KCNQ1: variants seen among roughly 807,000 people sequenced by gnomAD.
The protein encoded by KCNQ1 is potassium voltage-gated channel subfamily KQT member 1.
KCNQ1 carries 49 observed loss-of-function variants against 72.4 expected under a neutral mutation model. That is an observed-to-expected ratio of 0.68 (90% CI 0.54 to 0.86). The LOEUF (loss-of-function observed/expected upper bound fraction) is 0.86, where lower values mean the gene tolerates loss of function less well. Among genes scored for constraint, KCNQ1 ranks in the 40% least tolerant of loss-of-function variants. KCNQ1 has a pLI of 0.00. For synonymous variants in KCNQ1, 450 were observed against 412.6 expected (o/e 1.09, Z -1.10); for missense variants, 790 against 945.1 (o/e 0.84, Z 2.15).
intron 11 of KCNQ1, among the ~76,000 whole-genome samples, chr11:2,756,429 A>T (rs1193670151): frequency 1.6e-5 from 2 of 128,200 alleles, no homozygotes; most frequent in Non-Finnish European, 3.2e-5. Context: ...ATCAAGTTTA[A>T]ATTACTAAAA....
At chr11:2,822,914 A>T (rs1298576407) in intron 15 of KCNQ1, among the ~76,000 whole-genome samples, 1 of 150,116 alleles carries the variant, frequency 6.7e-6, no homozygotes, top group Non-Finnish European at 1.5e-5. Flanking sequence ...AATGTCAATT[A>T]TGCTGCTGAA....
chr11:2,793,986 C>T (rs932339817), intron 15 of KCNQ1, among the ~76,000 whole-genome samples: 1 of 152,108 alleles, frequency 6.6e-6, no homozygotes, highest in Non-Finnish European at 1.5e-5. Context: ...GGAAGAGTGT[C>T]CAGTGTGTGC....
Position 2,559,109 on chromosome 11 carries a change from G to A in KCNQ1, c.478-11519G>A, listed in dbSNP as rs1199103283. 2.0e-5 allele frequency among the ~76,000 whole-genome samples: 3 copies of A among 152,120 alleles called. No homozygotes were observed. Among genetic ancestry groups the A allele is most frequent in the Non-Finnish European group, 4.4e-5 (3 of 68,016 alleles). On this transcript the variant is annotated intron_variant, in intron 2 of 15. Coordinates refer to ENST00000155840, the MANE Select transcript of KCNQ1 (RefSeq NM_000218.3). The surrounding 1 kb of genome is among the most constrained non-coding windows in gnomAD (Gnocchi z 4.9). Reference sequence around the variant, plus strand: ...CGGCTCAGCAAGAGGGGTCACTTGAGCCTTGGCCTGCAGGGAGGTTTTGCT... The same window carrying A: ...CGGCTCAGCAAGAGGGGTCACTTGAACCTTGGCCTGCAGGGAGGTTTTGCT...
At chr11:2,570,111 C>A (rs1428017934) in intron 2 of KCNQ1, among the ~76,000 whole-genome samples, 4 of 152,236 alleles carry the variant, frequency 2.6e-5, no homozygotes, top group Non-Finnish European at 5.9e-5. Context: ...TGGCGTGGGA[C>A]CCCCTCTGAC....
At position 2,659,708 on chromosome 11, in the gene KCNQ1, C is replaced by T; in HGVS notation, c.1394-2253C>T. 1 of 398,454 alleles carries T rather than the reference C, an allele frequency of 2.5e-6. No homozygotes were observed. The highest frequency in any genetic ancestry group is 4.4e-5 in the Admixed American group (1 of 22,730). The allele number at this position is 398,454 out of a possible 1,614,324, so 24.7% of individuals were successfully genotyped here. ...AAAGTCACTGTGCCATTTTGCATTC[C>T]CACCAGTAACATATGAGAGTTCTAC... On this transcript the variant is annotated intron_variant, in intron 10 of 15. Coordinates refer to ENST00000155840, the MANE Select transcript of KCNQ1 (RefSeq NM_000218.3). The surrounding 1 kb of genome is among the most constrained non-coding windows in gnomAD (Gnocchi z 4.3).
chr11:2,609,955 A>C, intron 10 of KCNQ1: 1 of 397,982 alleles, frequency 2.5e-6, no homozygotes, highest in Non-Finnish European at 4.4e-6. Context: ...CTGTTTTTCA[A>C]ATCTGGTCTG....
intron 2 of KCNQ1, among the ~76,000 whole-genome samples, chr11:2,560,612 G>T (rs978773610): frequency 4.0e-5 from 6 of 151,456 alleles, no homozygotes; most frequent in African/African-American, 1.5e-4. Context: ...CAGAGTGGGG[G>T]TCTTCAGGTC....
At chr11:2,638,598 G>T (rs1849518414) in intron 10 of KCNQ1, 1 of 152,190 alleles carries the variant, frequency 6.6e-6, no homozygotes, top group Admixed American at 6.5e-5. Context: ...CTCTCTGGCT[G>T]CCCTTAACAT....
At chr11:2,836,306 G>C (rs1034858763) in intron 15 of KCNQ1, among the ~76,000 whole-genome samples, 7 of 152,158 alleles carry the variant, frequency 4.6e-5, no homozygotes, top group Non-Finnish European at 1.0e-4. Context: ...TGCTGAGCAG[G>C]AGCCCCCACA....
At chr11:2,546,097 T>G (rs1847899502) in intron 2 of KCNQ1, among the ~76,000 whole-genome samples, 1 of 152,108 alleles carries the variant, frequency 6.6e-6, no homozygotes. Context: ...GAATAGAAAT[T>G]TTTTTTTCCT....
At chr11:2,714,436 A>G (rs1317547235) in intron 11 of KCNQ1, among the ~76,000 whole-genome samples, 11 of 152,226 alleles carry the variant, frequency 7.2e-5, no homozygotes. Context: ...GCAGCTGGAC[A>G]GCCCCTCTGC....
rs1480168375 is a variant in KCNQ1, at chr11:2,684,783, TC to T, written c.1514+22706del. The T allele has an allele frequency of 1.0e-5, 4 of 398,486 alleles. No homozygotes were observed. In the East Asian group the frequency reaches 1.4e-4, roughly 14 times the overall value. 24.7% of individuals were successfully genotyped at this position (398,486 alleles called of 1,614,324 possible). A position where few individuals can be genotyped will look rare whatever the true frequency, so the allele number is the denominator to read the frequency against. On this transcript the variant is annotated intron_variant, in intron 11 of 15. Coordinates refer to ENST00000155840, the MANE Select transcript of KCNQ1 (RefSeq NM_000218.3). ...GGGAGGACTGCCTCCCAGCCTTCCC[TC>T]CCCACTGGTCTGGGCACATTCCAAG... is the stretch of plus-strand genomic sequence containing the variant.
At chr11:2,729,745 T>C (rs1845821687) in intron 11 of KCNQ1, among the ~76,000 whole-genome samples, 2 of 152,170 alleles carry the variant, frequency 1.3e-5, no homozygotes, top group African/African-American at 2.4e-5. Context: ...GGGGCTTGAG[T>C]ACCTGTGGAT....
chr11:2,730,406 A>T (rs1302197356), intron 11 of KCNQ1, among the ~76,000 whole-genome samples: 3 of 152,188 alleles, frequency 2.0e-5, no homozygotes, highest in Non-Finnish European at 4.4e-5. Context: ...GCTGGTTCCC[A>T]CTGGAAGCTC....
Position 2,606,584 on chromosome 11 carries a change from G to A in KCNQ1, c.1393+17730G>A, listed in dbSNP as rs556849928. ...AAGCTTCTTGAGGCCCTCACCAGGA[G>A]CAGGTGCTGGTGCCATATTTCCTGT... On this transcript the variant is annotated intron_variant, in intron 10 of 15. Transcript: ENST00000155840. Among the ~76,000 whole-genome samples, 26 of 152,308 alleles carry A rather than the reference G, an allele frequency of 1.7e-4. 1 individual carries two copies. The East Asian group carries it at 3.9e-3, about 23-fold the overall frequency.
In KCNQ1 at chr11:2,461,594, G is replaced by A. The variant is rs752977181; in HGVS notation, c.386+16110G>A. On this transcript the variant is annotated intron_variant, in intron 1 of 15. Transcript: ENST00000155840. ...CCAGATCACGGCTGCTTTTGTTTAC[G>A]TGGCCCCTGCTCTCACCCACAACTC... 6.5e-5 allele frequency: 88 copies of A among 1,359,350 alleles called. No individual in the cohort carries two copies. The highest frequency in any genetic ancestry group is 7.9e-5 in the Non-Finnish European group (81 of 1,021,826). The allele number at this position is 1,359,350 out of a possible 1,614,324, so 84.2% of individuals were successfully genotyped here. A position where few individuals can be genotyped will look rare whatever the true frequency, so the allele number is the denominator to read the frequency against.
rs1047141802 is a variant in KCNQ1 at position 2,830,353 on chromosome 11, A to T, written c.1795-17414A>T. ...GATCTGGGCTCTTCCCTGGGCAGGC[A>T]TCCCAGAGCTATGACCTGAATGATA... On this transcript the variant is annotated intron_variant, in intron 15 of 15. Transcript: ENST00000155840. The surrounding 1 kb of genome is among the most constrained non-coding windows in gnomAD (Gnocchi z 7.7). Among the ~76,000 whole-genome samples, 59 of 152,066 alleles carry T rather than the reference A, an allele frequency of 3.9e-4. No individual in the cohort carries two copies. The highest frequency in any genetic ancestry group is 5.9e-5 in the Non-Finnish European group (4 of 67,996).
chr11:2,815,988 A>AG lies in KCNQ1; in HGVS notation c.1795-31776dup, dbSNP rs1847605817. Among the ~76,000 whole-genome samples the AG allele has an allele frequency of 2.0e-5, 3 of 152,340 alleles. No homozygotes were observed. The highest frequency in any genetic ancestry group is 7.2e-5 in the African/African-American group (3 of 41,572). ...TGGATATGTTCCCTTGCAGGCGGGC[A>AG]GGGCTCTGGGGAGTCCAAGTGTGCA... On this transcript the variant is annotated intron_variant, in intron 15 of 15. Coordinates refer to ENST00000155840, the MANE Select transcript of KCNQ1 (RefSeq NM_000218.3). The surrounding 1 kb of genome is among the most constrained non-coding windows in gnomAD (Gnocchi z 5.4).
chr11:2,698,431 T>G lies in KCNQ1; in HGVS notation c.1514+36350T>G. On this transcript the variant is annotated intron_variant, in intron 11 of 15. Transcript: ENST00000155840. This position sits in a 1 kb window ranked among gnomAD's most constrained non-coding sequence, Gnocchi z 5.1. ...CATAGTGGTGGCCCTTCAAGCCTAC[T>G]ACCCAGACTGAGACCTGCATCTGAT... 1 of 375,892 alleles carries G rather than the reference T, an allele frequency of 2.7e-6. No homozygotes were observed. The highest frequency in any genetic ancestry group is 2.4e-5 in the African/African-American group (1 of 41,726). The allele number at this position is 375,892 out of a possible 1,614,324, so 23.3% of individuals were successfully genotyped here. A position where few individuals can be genotyped will look rare whatever the true frequency, so the allele number is the denominator to read the frequency against.
Sources: allele counts gnomAD v4.1 joint callset (sites outside exome capture counted in the v4.1 genomes callset), GRCh38; gene constraint gnomAD v4.1.1; non-coding constraint Gnocchi (gnomAD v3.1); transcripts MANE v1.5; gene names NCBI Gene and HGNC (gene_info 2026-07-23, HGNC 2026-07-21).